Variants in SH3TC2 observed in about 807,000 individuals in gnomAD.
The protein encoded by SH3TC2 is SH3 domain and tetratricopeptide repeat-containing protein 2.
Under a neutral mutation model 124.5 loss-of-function variants are expected in SH3TC2, and 87 were observed. That is an observed-to-expected ratio of 0.70 (90% CI 0.59 to 0.84). The LOEUF (loss-of-function observed/expected upper bound fraction) is 0.84, where lower values mean the gene tolerates loss of function less well. SH3TC2 is among the 40% of genes least tolerant of loss of function. The probability of loss-of-function intolerance (pLI) is 0.00; values close to 1 mark genes in which losing one functional copy is unlikely to be tolerated. For synonymous variants in SH3TC2, 634 were observed against 628.5 expected (o/e 1.01, Z -0.13); for missense variants, 1,536 against 1,566.4 (o/e 0.98, Z 0.33).
chr5:149,026,957 C>T lies in SH3TC2; in HGVS notation c.2775G>A (p.Trp925Ter), dbSNP rs757701609. The T allele has an allele frequency of 5.0e-6, 8 of 1,614,080 alleles. No individual in the cohort carries two copies. The South Asian group carries it at 8.8e-5, about 18-fold the overall frequency. ...GTCCAGACACCAGAACTTGGGCCAA[C>T]CAGAGAAACACCTGTACTAATTCCA... Reference protein sequence around the residue: ...TDMELVQVFLWLAQVLVSGHQ... With the variant: ...TDMELVQVFL The change falls in exon 11 of 17, where the codon TGG (tryptophan) becomes TGA (stop). Residue 925 changes from tryptophan (W) to a stop codon, truncating the protein, a stop_gained. Transcript: ENST00000515425. LOFTEE classifies it high-confidence loss of function.
chr5:149,051,638 G>A (rs1255199487), intron 2 of SH3TC2, among the ~76,000 whole-genome samples: 1 of 152,028 alleles, frequency 6.6e-6, no homozygotes, highest in East Asian at 1.9e-4. Flanking sequence ...TTTTTGTTTA[G>A]GGATCAGGTC....
rs1754108254 is a variant in SH3TC2, at chr5:149,028,152, T to G, written c.1580A>C (p.His527Pro). 1 of 1,614,124 alleles carries G rather than the reference T, an allele frequency of 6.2e-7. No homozygotes were observed. Among genetic ancestry groups the G allele is most frequent in the Non-Finnish European group, 8.5e-7 (1 of 1,180,020 alleles). ...GCCCAGGAGGAAGCAGAGACGGGCA[T>G]GGGCCCAGGTCATGTGGCTCTTCTT... is the stretch of plus-strand genomic sequence containing the variant. ...WAKKSHMTWA[H>P]ARLCFLLGRL... The change falls in exon 11 of 17, where the codon CAT becomes CCT. Residue 527 changes from histidine to proline, a missense_variant. Coordinates refer to ENST00000515425, the MANE Select transcript of SH3TC2 (RefSeq NM_024577.4).
At position 148,996,952 on chromosome 5, in the gene SH3TC2, G is replaced by T. The variant is rs892703583; in HGVS notation, c.*7759C>A. 4.6e-5 allele frequency among the ~76,000 whole-genome samples: 7 copies of T among 152,184 alleles called. No homozygotes were observed. Among genetic ancestry groups the T allele is most frequent in the African/African-American group, 1.7e-4 (7 of 41,444 alleles). ...AAATACAGTAAAATGGAAGGTTAGG[G>T]AAGTAGATAATTAAGCATTCCTGAA... On this transcript the variant is annotated 3_prime_UTR_variant, in exon 17 of 17. Coordinates refer to ENST00000515425, the MANE Select transcript of SH3TC2 (RefSeq NM_024577.4).
intron 12 of SH3TC2, among the ~76,000 whole-genome samples, chr5:149,012,996 T>C (rs978849661): frequency 6.6e-6 from 1 of 152,146 alleles, no homozygotes; most frequent in Non-Finnish European, 1.5e-5. Context: ...GAGGATGAAA[T>C]TGAGATACAA....
chr5:149,014,979 C>A (rs1175475394), intron 12 of SH3TC2, among the ~76,000 whole-genome samples: 1 of 152,142 alleles, frequency 6.6e-6, no homozygotes, highest in African/African-American at 2.4e-5. Context: ...CCTTGGGCTA[C>A]TATAGTTGTT....
rs903364201 is a variant in SH3TC2, at chr5:148,999,956, T to G, written c.*4755A>C. Among the ~76,000 whole-genome samples the G allele has an allele frequency of 6.6e-6, 1 of 152,170 alleles. No homozygotes were observed. The highest frequency in any genetic ancestry group is 2.4e-5 in the African/African-American group (1 of 41,430). On this transcript the variant is annotated 3_prime_UTR_variant, in exon 17 of 17. Transcript: ENST00000515425. ...CACCCCCTGTCCACCCTCTGGACCT[T>G]TGCTTGACACATGCACTGTCTGTCA...
At chr5:149,008,741 A>C in intron 15 of SH3TC2, 110 bp downstream of exon 15, 1 of 1,491,806 alleles carries the variant, frequency 6.7e-7, no homozygotes, top group Non-Finnish European at 9.3e-7. Flanking sequence ...TGGACCTGGG[A>C]TTTGAACCCA....
At position 148,991,507 on chromosome 5, in the gene SH3TC2, T is replaced by C. The variant is rs141603977; in HGVS notation, c.*13204A>G. ...AAGTTTCTTGAGTGGGCTTCCACCT[T>C]AGCTTTTGCTTTCTGTCAGATAATA... On this transcript the variant is annotated 3_prime_UTR_variant, in exon 17 of 17. Transcript: ENST00000515425. 2.9e-3 allele frequency among the ~76,000 whole-genome samples: 438 copies of C among 152,352 alleles called. 2 individuals are homozygous for C. The highest frequency in any genetic ancestry group is 0.01 in the African/African-American group (419 of 41,580).
At chr5:149,010,487 C>G in intron 13 of SH3TC2, 95 bp from the exon 14 acceptor site, 1 of 1,550,880 alleles carries the variant, frequency 6.4e-7, no homozygotes, top group South Asian at 1.1e-5. Flanking sequence ...CCTAAATCAA[C>G]TAATCCTCTG....
In SH3TC2 at chr5:149,006,949, G is replaced by T. The variant is rs764665807; in HGVS notation, c.3607C>A (p.Pro1203Thr). 4 of 1,614,124 alleles carry T rather than the reference G, an allele frequency of 2.5e-6. No individual in the cohort carries two copies. The highest frequency in any genetic ancestry group is 3.4e-6 in the Non-Finnish European group (4 of 1,180,018). Residue 1203 changes from proline (P) to threonine (T), a missense_variant, in exon 16 of 17, where the codon CCC becomes ACC. This residue lies in a region of SH3TC2 where 426 missense variants were observed against 443.5 expected (regional missense o/e 0.96). Coordinates refer to ENST00000515425, the MANE Select transcript of SH3TC2 (RefSeq NM_024577.4). ...TTGGCATAGTACAGGGCCTCCTTGG[G>T]ACTCTGCAGCCATGGTGGACAGAGG... ...LSLCPPWLQS[P>T]KEALYYAKVY... is the part of the protein sequence containing the mutation.
chr5:148,986,721 G>C lies in SH3TC2; in HGVS notation c.*17990C>G, dbSNP rs148277420. Among the ~76,000 whole-genome samples, 81 of 152,268 alleles carry C rather than the reference G, an allele frequency of 5.3e-4. No individual in the cohort carries two copies. The highest frequency in any genetic ancestry group is 3.4e-3 in the Middle Eastern group (1 of 294). On this transcript the variant is annotated 3_prime_UTR_variant, in exon 17 of 17. Transcript: ENST00000515425. ...GGGTGACTTGTAGGCATCATAATAA[G>C]CCAAATCAGAGCATAAGAATTGCTC...
intron 2 of SH3TC2, among the ~76,000 whole-genome samples, chr5:149,049,250 C>T (rs747991377): frequency 1.1e-4 from 17 of 152,204 alleles, no homozygotes; most frequent in Non-Finnish European, 2.1e-4. Flanking sequence ...TTCAGCACCC[C>T]GCATCCATCC....
chr5:149,052,657 G>A (rs543495579), intron 1 of SH3TC2, among the ~76,000 whole-genome samples: 1 of 152,180 alleles, frequency 6.6e-6, no homozygotes, highest in Middle Eastern at 3.2e-3. Context: ...CAATTGGGGT[G>A]TGGTTATAAT....
In SH3TC2 at chr5:149,002,313, G is replaced by C. The variant is rs995014842; in HGVS notation, c.*2398C>G. On this transcript the variant is annotated 3_prime_UTR_variant, in exon 17 of 17. Transcript: ENST00000515425. ...CCAGGAATGTTGTTGAAAGGACTAT[G>C]CACGGGAGATTAGACTGAATAGCCT... is the stretch of plus-strand genomic sequence containing the variant. The C allele has an allele frequency of 6.5e-6, 1 of 152,736 alleles. No homozygotes were observed. Among genetic ancestry groups the C allele is most frequent in the African/African-American group, 2.4e-5 (1 of 41,452 alleles). 9.5% of individuals were successfully genotyped at this position (152,736 alleles called of 1,614,324 possible). A position where few individuals can be genotyped will look rare whatever the true frequency, so the allele number is the denominator to read the frequency against.
chr5:149,042,580 G>A, intron 5 of SH3TC2, 114 bp downstream of exon 5: 1 of 1,343,144 alleles, frequency 7.4e-7, no homozygotes, highest in South Asian at 1.2e-5. Flanking sequence ...GGGTTCATTT[G>A]TGAATATTCC....
chr5:149,062,306 C>G (rs779453177), intron 1 of SH3TC2: 6 of 526,980 alleles, frequency 1.1e-5, no homozygotes, highest in South Asian at 8.5e-5. Flanking sequence ...TGAAAAAAAG[C>G]AAGAAGGTTG....
rs1360033874 is a variant in SH3TC2 at position 148,998,133 on chromosome 5, G to T, written c.*6578C>A. On this transcript the variant is annotated 3_prime_UTR_variant, in exon 17 of 17. Transcript: ENST00000515425. The stretch of plus-strand genomic sequence containing the variant: ...ACTAGAATAGAATGTTTTTAAAAAT[G>T]AATAGAACAAAACAGAATGTATGAG... Among the ~76,000 whole-genome samples, 2 of 152,010 alleles carry T rather than the reference G, an allele frequency of 1.3e-5. No homozygotes were observed. Among genetic ancestry groups the T allele is most frequent in the African/African-American group, 4.8e-5 (2 of 41,366 alleles).
At chr5:149,033,788 C>T (rs1386715237) in intron 8 of SH3TC2, among the ~76,000 whole-genome samples, 5 of 152,174 alleles carry the variant, frequency 3.3e-5, no homozygotes, top group Non-Finnish European at 7.3e-5. Flanking sequence ...TGAATTTACA[C>T]TACCTGGTGT....
chr5:149,048,577 G>A (rs1008528220), intron 2 of SH3TC2, among the ~76,000 whole-genome samples: 2 of 152,144 alleles, frequency 1.3e-5, no homozygotes, highest in African/African-American at 4.8e-5. Flanking sequence ...TCTCCAAAAT[G>A]TACATTCATG....
Sources: allele counts gnomAD v4.1 joint callset (sites outside exome capture counted in the v4.1 genomes callset), GRCh38; gene constraint gnomAD v4.1.1; regional missense constraint gnomAD v4.1.1; transcripts MANE v1.5; gene names NCBI Gene and HGNC (gene_info 2026-07-23, HGNC 2026-07-21).